Variants in ZNF516 observed in about 807,000 individuals in gnomAD.
The protein encoded by ZNF516 is zinc finger protein 516.
In ZNF516, 19 loss-of-function variants were observed where a neutral mutation model predicts 79.7. That is an observed-to-expected ratio of 0.24 (90% CI 0.17 to 0.35). The LOEUF is 0.35. ZNF516 is among the 10% of genes least tolerant of loss of function. The pLI is 1.00. For missense variants in ZNF516, 1,678 were observed against 1,679.5 expected (o/e 1.00, Z 0.02); for synonymous variants, 877 against 739.5 (o/e 1.19, Z -3.02).
At chr18:76,389,878 G>T (rs2075046682) in intron 3 of ZNF516, among the ~76,000 whole-genome samples, 2 of 152,222 alleles carry the variant, frequency 1.3e-5, no homozygotes, top group Non-Finnish European at 2.9e-5. Context: ...TGTTTCCTAA[G>T]AGTCTCGTTG....
rs373540251 is a variant in ZNF516 at position 76,360,646 on chromosome 18, A to AAAAATATATAT, written c.*1851_*1852insATATATATTTT. ...AAAAAAATAAGTAAAAAAAAAAAAA[A>AAAAATATATAT]ATATATATATATATATATATATATA... On this transcript the variant is annotated 3_prime_UTR_variant, in exon 7 of 7. Transcript: ENST00000443185. 10 of 72,462 alleles carry AAAAATATATAT rather than the reference A, an allele frequency of 1.4e-4. No homozygotes were observed. Among genetic ancestry groups the AAAAATATATAT allele is most frequent in the African/African-American group, 3.7e-4 (6 of 16,376 alleles). The allele number at this position is 72,462 out of a possible 1,614,324, so 4.5% of individuals were successfully genotyped here. A position where few individuals can be genotyped will look rare whatever the true frequency, so the allele number is the denominator to read the frequency against.
At chr18:76,492,623 G>A (rs117745198) in intron 1 of ZNF516, 13,434 of 701,778 alleles carry the variant, frequency 0.019, 179 homozygotes, top group Non-Finnish European at 0.022. Flanking sequence ...GGGCGAGTGG[G>A]TTCCATCATC....
intron 1 of ZNF516, among the ~76,000 whole-genome samples, chr18:76,478,780 G>A (rs1914322283): frequency 1.3e-5 from 2 of 152,268 alleles, no homozygotes; most frequent in South Asian, 4.1e-4. Context: ...GTGGGGCTGG[G>A]CATGGTGGCT....
At chr18:76,385,128 C>T (rs542848098) in intron 3 of ZNF516, among the ~76,000 whole-genome samples, 14 of 152,352 alleles carry the variant, frequency 9.2e-5, no homozygotes, top group South Asian at 4.1e-4. Context: ...TGTGCACACG[C>T]GTGCCACAGA....
At chr18:76,496,153 G>A (rs1915472469), upstream of ZNF516, 7 of 761,942 alleles carry the variant, frequency 9.2e-6, no homozygotes, top group South Asian at 1.1e-4. Flanking sequence ...GGGAGGGGAG[G>A]GCGGGCGCGC....
intron 1 of ZNF516, among the ~76,000 whole-genome samples, chr18:76,482,787 A>G (rs1020852560): frequency 6.6e-6 from 1 of 152,230 alleles, no homozygotes; most frequent in Non-Finnish European, 1.5e-5. Flanking sequence ...ACATACAAAT[A>G]GTGAGATTTC....
chr18:76,368,313 T>C (rs1232875089), intron 6 of ZNF516, among the ~76,000 whole-genome samples: 4 of 152,098 alleles, frequency 2.6e-5, no homozygotes, highest in African/African-American at 9.7e-5. Context: ...TTAAGGAAAA[T>C]GGAATTTCCT....
intron 1 of ZNF516, chr18:76,492,540 C>T (rs1599176286): frequency 3.0e-6 from 1 of 334,304 alleles, no homozygotes; most frequent in Non-Finnish European, 4.3e-6. Context: ...AGTTGGAAGA[C>T]ACATGCTGCC....
At chr18:76,375,955 G>A (rs769687796) in intron 4 of ZNF516, among the ~76,000 whole-genome samples, 8 of 150,338 alleles carry the variant, frequency 5.3e-5, no homozygotes, top group South Asian at 2.1e-4. Flanking sequence ...GGAAGGCCCC[G>A]AAGACCAGGT....
At chr18:76,384,329 C>T (rs1344751298) in intron 3 of ZNF516, among the ~76,000 whole-genome samples, 1 of 126,778 alleles carries the variant, frequency 7.9e-6, no homozygotes, top group Non-Finnish European at 1.7e-5. Flanking sequence ...CCTCCACCAC[C>T]CCCACCCCTC....
At chr18:76,473,881 T>G (rs954864256) in intron 1 of ZNF516, among the ~76,000 whole-genome samples, 3 of 120,840 alleles carry the variant, frequency 2.5e-5, no homozygotes, top group African/African-American at 9.5e-5. Context: ...GTCCTAACAC[T>G]GGGTTGTTGG....
In ZNF516 at chr18:76,450,065, G is replaced by T. The variant is rs149565785; in HGVS notation, c.-157-6854C>A. ...CTTGTGTTAAGCTGGTAATATAGGA[G>T]AGTGGTCTTATTCTTTGGAGATGTG... On this transcript the variant is annotated intron_variant, in intron 2 of 6. Transcript: ENST00000443185. 2.5e-3 allele frequency among the ~76,000 whole-genome samples: 381 copies of T among 151,830 alleles called. 1 individual carries two copies. Among genetic ancestry groups the T allele is most frequent in the African/African-American group, 8.5e-3 (351 of 41,434 alleles).
chr18:76,455,094 T>C (rs1417067329), intron 2 of ZNF516, among the ~76,000 whole-genome samples: 1 of 152,088 alleles, frequency 6.6e-6, no homozygotes, highest in African/African-American at 2.4e-5. Flanking sequence ...TGTCACACTT[T>C]AATGGGGGAA....
chr18:76,397,679 C>G (rs1471061720), intron 3 of ZNF516, among the ~76,000 whole-genome samples: 1 of 152,214 alleles, frequency 6.6e-6, no homozygotes, highest in Non-Finnish European at 1.5e-5. Flanking sequence ...CTCACTGCAG[C>G]CTCAACCTCC....
chr18:76,397,180 C>T (rs1568257833), intron 3 of ZNF516, among the ~76,000 whole-genome samples: 1 of 152,282 alleles, frequency 6.6e-6, no homozygotes, highest in East Asian at 1.9e-4. Flanking sequence ...AACACCAAGG[C>T]CATGGAGTAG....
Position 76,379,099 on chromosome 18 carries a change from C to T in ZNF516, c.3015G>A (p.Lys1005=), listed in dbSNP as rs904971514. ...PPLPPREPPS[K]AAQELRTLAT... ...CCAGAGTCCTCAGCTCCTGGGCTGCCTTCGAGGGGGGCTCGCGGGGAGGTA... is the reference window on the plus strand; with the variant it reads ...CCAGAGTCCTCAGCTCCTGGGCTGCTTTCGAGGGGGGCTCGCGGGGAGGTA... Residue 1005 remains lysine (K), a synonymous_variant, in exon 4 of 7, where the codon AAG becomes AAA. Coordinates refer to ENST00000443185, the MANE Select transcript of ZNF516 (RefSeq NM_014643.4). 53 of 1,611,496 alleles carry T rather than the reference C, an allele frequency of 3.3e-5. No individual in the cohort carries two copies. In the East Asian group the frequency reaches 1.2e-3, roughly 36 times the overall value.
intron 3 of ZNF516, chr18:76,386,272 A>AC (rs1168917387): frequency 6.6e-6 from 1 of 151,566 alleles, no homozygotes; most frequent in East Asian, 1.9e-4. Context: ...GCAGGTCCCC[A>AC]CTCTGCACAG....
chr18:76,438,270 G>A (rs2075770431), intron 3 of ZNF516, among the ~76,000 whole-genome samples: 1 of 152,114 alleles, frequency 6.6e-6, no homozygotes, highest in Non-Finnish European at 1.5e-5. Flanking sequence ...TTCTATTTTG[G>A]CCCATACACT....
At chr18:76,391,202 G>A (rs1450856060) in intron 3 of ZNF516, among the ~76,000 whole-genome samples, 1 of 152,098 alleles carries the variant, frequency 6.6e-6, no homozygotes, top group Non-Finnish European at 1.5e-5. Flanking sequence ...CACGCTACAG[G>A]GTGAGTAAGT....
Sources: gnomAD v4.1 joint callset for allele counts (sites outside exome capture counted in the v4.1 genomes callset) on GRCh38, gnomAD v4.1.1 for gene constraint, MANE v1.5 for transcripts, NCBI Gene and HGNC (gene_info 2026-07-23, HGNC 2026-07-21) for gene names.